Variants in ZNF551 observed in about 807,000 individuals in gnomAD.
ZNF551 encodes the protein zinc finger protein 551, also known as KOX 23 protein (56 AA).
In ZNF551, 5 loss-of-function variants were observed where a neutral mutation model predicts 7.9. The observed-to-expected ratio is 0.63, with a 90% CI of 0.33 to 1.33. The LOEUF (loss-of-function observed/expected upper bound fraction) is 1.33, where lower values mean the gene tolerates loss of function less well. Among genes scored for constraint, ZNF551 ranks in the 40% most tolerant of loss-of-function variants. The pLI is 0.05. For synonymous variants in ZNF551, 287 were observed against 277.3 expected (o/e 1.03, Z -0.35); for missense variants, 788 against 825.2 (o/e 0.95, Z 0.55).
chr19:57,686,946 A>T lies in ZNF551; in HGVS notation c.671A>T (p.Lys224Met). 6.2e-7 allele frequency: 1 copy of T among 1,614,180 alleles called. No homozygotes were observed. Among genetic ancestry groups the T allele is most frequent in the Non-Finnish European group, 8.5e-7 (1 of 1,180,040 alleles). The stretch of plus-strand genomic sequence containing the variant: ...TTTTTCAATGCAAAAAGTTATTACA[A>T]GTGGGGTGAATACAGAAAAGCTTCA... ...QAFFNAKSYY[K>M]WGEYRKASSH... Residue 224 changes from lysine (K) to methionine (M), a missense_variant, in exon 3 of 3, where the codon AAG becomes ATG. Transcript: ENST00000282296.
Position 57,690,493 on chromosome 19 carries a change from G to T in ZNF551, c.*2205G>T, listed in dbSNP as rs1050713189. ...TATACTTACTGGTTTTCTTCATGCT[G>T]TATAATTATTTTGAGATTCAAAAAT... On this transcript the variant is annotated 3_prime_UTR_variant, in exon 3 of 3. Transcript: ENST00000282296. 1.3e-5 allele frequency: 2 copies of T among 151,972 alleles called. No homozygotes were observed. Among genetic ancestry groups the T allele is most frequent in the Non-Finnish European group, 2.9e-5 (2 of 68,028 alleles). 9.4% of individuals were successfully genotyped at this position (151,972 alleles called of 1,614,324 possible). A position where few individuals can be genotyped will look rare whatever the true frequency, so the allele number is the denominator to read the frequency against.
rs573207173 is a variant in ZNF551, at chr19:57,687,325, C to T, written c.1050C>T (p.Leu350=). The T allele has an allele frequency of 2.5e-6, 4 of 1,614,158 alleles. No individual in the cohort carries two copies. In the South Asian group the frequency reaches 4.4e-5, roughly 18 times the overall value. The change falls in exon 3 of 3, where the codon CTC becomes CTT. Residue 350 remains leucine, a synonymous_variant. Transcript: ENST00000282296. ...CRKTFSYKSN[L]IEHQRVHTGE... ...AAACCTTTAGCTACAAATCTAACCT[C>T]ATTGAACACCAGAGAGTTCACACTG... is the stretch of plus-strand genomic sequence containing the variant.
intron 2 of ZNF551, among the ~76,000 whole-genome samples, chr19:57,686,013 C>T (rs1404020886): frequency 1.3e-5 from 2 of 152,226 alleles, no homozygotes; most frequent in African/African-American, 2.4e-5. Flanking sequence ...CCTCCACCCT[C>T]GTGGTCTCAG....
At position 57,688,037 on chromosome 19, in the gene ZNF551, G is replaced by A; in HGVS notation, c.1762G>A (p.Glu588Lys). 6.2e-7 allele frequency: 1 copy of A among 1,614,112 alleles called. No homozygotes were observed. The highest frequency in any genetic ancestry group is 8.5e-7 in the Non-Finnish European group (1 of 1,179,998). ...QRVHTGERPYECSECGKSFSQ... is the reference protein window; with the variant it reads ...QRVHTGERPYKCSECGKSFSQ... ...AGTTCACACTGGAGAAAGGCCTTATGAATGTAGTGAATGTGGGAAATCCTT... is the reference window on the plus strand; with the variant it reads ...AGTTCACACTGGAGAAAGGCCTTATAAATGTAGTGAATGTGGGAAATCCTT... Residue 588 changes from glutamate to lysine, a missense_variant, in exon 3 of 3, where the codon GAA becomes AAA. Transcript: ENST00000282296.
At chr19:57,685,191 A>T in intron 1 of ZNF551, 71 bp from the exon 2 acceptor site, 5 of 1,583,776 alleles carry the variant, frequency 3.2e-6, no homozygotes, top group Non-Finnish European at 4.3e-6. Context: ...TGACCTGGGG[A>T]TGGATGTTGG....
At chr19:57,682,795 G>A (rs1984431886) in intron 1 of ZNF551, among the ~76,000 whole-genome samples, 2 of 152,182 alleles carry the variant, frequency 1.3e-5, no homozygotes, top group Non-Finnish European at 2.9e-5. Context: ...TGGGCGACCT[G>A]AGCCTCGCCA....
intron 1 of ZNF551, among the ~76,000 whole-genome samples, 181 bp downstream of exon 1, chr19:57,682,425 G>A (rs915438123): frequency 2.0e-5 from 3 of 152,204 alleles, no homozygotes; most frequent in African/African-American, 7.2e-5. Context: ...CAGTTGACTG[G>A]CGCGTGCAGA....
Position 57,682,290 on chromosome 19 carries a change from G to A in ZNF551, c.81+46G>A, listed in dbSNP as rs1236549257. The A allele has an allele frequency of 3.3e-6, 5 of 1,535,736 alleles. No individual in the cohort carries two copies. In the African/African-American group the frequency reaches 5.5e-5, roughly 17 times the overall value. Reference sequence around the variant, plus strand: ...GTCTCGCCTACCTCCCCCAGCAGAAGCCTTAAGGCCCAGTGAGGGATGCCT... The same window carrying A: ...GTCTCGCCTACCTCCCCCAGCAGAAACCTTAAGGCCCAGTGAGGGATGCCT... On this transcript the variant is annotated intron_variant, in intron 1 of 2. Coordinates refer to ENST00000282296, the MANE Select transcript of ZNF551 (RefSeq NM_138347.5).
chr19:57,686,798 T>A lies in ZNF551; in HGVS notation c.523T>A (p.Phe175Ile), dbSNP rs146985332. 6.2e-7 allele frequency: 1 copy of A among 1,614,058 alleles called. No individual in the cohort carries two copies. Among genetic ancestry groups the A allele is most frequent in the Non-Finnish European group, 8.5e-7 (1 of 1,180,032 alleles). The change falls in exon 3 of 3, where the codon TTC becomes ATC. Residue 175 changes from phenylalanine (F) to isoleucine (I), a missense_variant. Transcript: ENST00000282296. ...GGCTACATTTGTGACCGGCTGCAGA[T>A]TCCATGTGTTGAATTATTTCACCTG... ...DEATFVTGCR[F>I]HVLNYFTCGE... is the part of the protein sequence containing the mutation.
Position 57,686,847 on chromosome 19 carries a change from C to CTGGG in ZNF551, c.572_573insTGGG (p.Asp192GlyfsTer13). The stretch of plus-strand genomic sequence containing the variant: ...TGTGGGGAGGCCTTCCCAGCCCCCA[C>CTGGG]GGACCTACTCCAACACGAAGCCACT... On this transcript the variant is annotated frameshift_variant, in exon 3 of 3. Coordinates refer to ENST00000282296, the MANE Select transcript of ZNF551 (RefSeq NM_138347.5). LOFTEE classifies it low-confidence loss of function (END_TRUNC). 6.2e-7 allele frequency: 1 copy of CTGGG among 1,614,168 alleles called. No individual in the cohort carries two copies. Among genetic ancestry groups the CTGGG allele is most frequent in the African/African-American group, 1.3e-5 (1 of 75,044 alleles).
At position 57,687,489 on chromosome 19, in the gene ZNF551, A is replaced by G. The variant is rs923296391; in HGVS notation, c.1214A>G (p.Asn405Ser). ...GGGAAATCCTTTAGACAAATCTTCA[A>G]TCTCATTCGACATAGAAGAGTTCAC... ...ECGKSFRQIFNLIRHRRVHTG... is the reference protein window; with the variant it reads ...ECGKSFRQIFSLIRHRRVHTG... Residue 405 changes from asparagine to serine, a missense_variant, in exon 3 of 3, where the codon AAT (asparagine) becomes AGT (serine). Physicochemically the swap from Asn to Ser is conservative, Grantham distance 46. Coordinates refer to ENST00000282296, the MANE Select transcript of ZNF551 (RefSeq NM_138347.5). 9 of 1,613,980 alleles carry G rather than the reference A, an allele frequency of 5.6e-6. No individual in the cohort carries two copies. The highest frequency in any genetic ancestry group is 3.3e-5 in the Admixed American group (2 of 60,000).
rs376898853 is a variant in ZNF551, at chr19:57,685,337, C to G, written c.157C>G (p.Leu53Val). 1 of 1,613,994 alleles carries G rather than the reference C, an allele frequency of 6.2e-7. No homozygotes were observed. The highest frequency in any genetic ancestry group is 8.5e-7 in the Non-Finnish European group (1 of 1,180,000). ...WELLDESQRFLYCDVMLENFA... is the reference protein window; with the variant it reads ...WELLDESQRFVYCDVMLENFA... ...GCTCCTTGATGAGTCTCAGAGGTTC[C>G]TGTACTGCGATGTGATGCTGGAGAA... Residue 53 changes from leucine (L) to valine (V), a missense_variant, in exon 2 of 3, where the codon CTG becomes GTG. Physicochemically the swap from Leu to Val is conservative, Grantham distance 32. Transcript: ENST00000282296.
chr19:57,685,476 T>C (rs1984526677), intron 2 of ZNF551, 91 bp downstream of exon 2: 1 of 1,587,640 alleles, frequency 6.3e-7, no homozygotes. Flanking sequence ...GCCTAGTGGA[T>C]CTTATTTTTC....
In ZNF551 at chr19:57,685,372, T is replaced by A; in HGVS notation, c.192T>A (p.His64Gln). 6.2e-7 allele frequency: 1 copy of A among 1,614,098 alleles called. No individual in the cohort carries two copies. ...ATGTGATGCTGGAGAACTTTGCACA[T>A]GTAACATCCCTGGGTAAGGCCCTAG... is the stretch of plus-strand genomic sequence containing the variant. ...YCDVMLENFA[H>Q]VTSLGYCHGM... The change falls in exon 2 of 3, where the codon CAT becomes CAA. Residue 64 changes from histidine to glutamine, a missense_variant. His to Gln is a conservative substitution (Grantham distance 24, BLOSUM62 0). Transcript: ENST00000282296.
At chr19:57,683,219 TGAATGTGATA>T (rs1044205856) in intron 1 of ZNF551, among the ~76,000 whole-genome samples, 10 of 152,236 alleles carry the variant, frequency 6.6e-5, no homozygotes, top group African/African-American at 2.4e-4. Context: ...ATAGGCCAGG[TGAATGTGATA>T]GAATGTGATA....
intron 2 of ZNF551, among the ~76,000 whole-genome samples, chr19:57,685,617 C>T (rs1181823871): frequency 1.3e-5 from 2 of 152,200 alleles, no homozygotes; most frequent in Non-Finnish European, 2.9e-5. Flanking sequence ...GTCATAGTTA[C>T]TACTTATGTG....
rs80081984 is a variant in ZNF551 at position 57,690,554 on chromosome 19, T to G, written c.*2266T>G. 91 of 152,358 alleles carry G rather than the reference T, an allele frequency of 6.0e-4. No homozygotes were observed. Among genetic ancestry groups the G allele is most frequent in the African/African-American group, 2.2e-3 (91 of 41,578 alleles). 9.4% of individuals were successfully genotyped at this position (152,358 alleles called of 1,614,324 possible). On this transcript the variant is annotated 3_prime_UTR_variant, in exon 3 of 3. Coordinates refer to ENST00000282296, the MANE Select transcript of ZNF551 (RefSeq NM_138347.5). The stretch of plus-strand genomic sequence containing the variant: ...TGTATTGCTGAGTATCATGCTGTTC[T>G]ATGGATAAGTCAGTGTTTATCCATG...
In ZNF551 at chr19:57,689,626, C is replaced by G. The variant is rs1475777905; in HGVS notation, c.*1338C>G. On this transcript the variant is annotated 3_prime_UTR_variant, in exon 3 of 3. Transcript: ENST00000282296. ...CCAGCCTGGGCAACATGGTGAAATCCCATGTCTACTAAAATACAAAAAATT... is the reference window on the plus strand; with the variant it reads ...CCAGCCTGGGCAACATGGTGAAATCGCATGTCTACTAAAATACAAAAAATT... 6.6e-6 allele frequency: 1 copy of G among 152,128 alleles called. No individual in the cohort carries two copies. Among genetic ancestry groups the G allele is most frequent in the East Asian group, 1.9e-4 (1 of 5,184 alleles). 9.4% of individuals were successfully genotyped at this position (152,128 alleles called of 1,614,324 possible). A position where few individuals can be genotyped will look rare whatever the true frequency, so the allele number is the denominator to read the frequency against.
rs1042560010 is a variant in ZNF551, at chr19:57,689,691, T to G, written c.*1403T>G. The G allele has an allele frequency of 1.3e-5, 2 of 152,170 alleles. No individual in the cohort carries two copies. Among genetic ancestry groups the G allele is most frequent in the African/African-American group, 4.8e-5 (2 of 41,372 alleles). The allele number at this position is 152,170 out of a possible 1,614,324, so 9.4% of individuals were successfully genotyped here. ...GCATGCGCCTATAGTCCCAGCCACT[T>G]GGGAGGCTGAGGCAGGAGAATCGCT... On this transcript the variant is annotated 3_prime_UTR_variant, in exon 3 of 3. Transcript: ENST00000282296.
Sources: gnomAD v4.1 joint callset for allele counts (sites outside exome capture counted in the v4.1 genomes callset) on GRCh38, gnomAD v4.1.1 for gene constraint, MANE v1.5 for transcripts, NCBI Gene and HGNC (gene_info 2026-07-23, HGNC 2026-07-21) for gene names.